Variants in CAMTA1 observed in about 807,000 individuals in gnomAD.
CAMTA1 encodes calmodulin binding transcription activator 1, also known as calmodulin-binding transcription activator 1.
Under a neutral mutation model 170.9 loss-of-function variants are expected in CAMTA1, and 27 were observed. The observed-to-expected ratio is 0.16, with a 90% CI of 0.12 to 0.22. CAMTA1 has a LOEUF of 0.22. Ranked by LOEUF, CAMTA1 falls within the 10% of genes least tolerant of loss-of-function variation. The probability of loss-of-function intolerance (pLI) is 1.00; values close to 1 mark genes in which losing one functional copy is unlikely to be tolerated. For synonymous variants in CAMTA1, 833 were observed against 891.5 expected, an observed-to-expected ratio of 0.93 and a Z score of 1.17; for missense variants, 1,619 against 2,217.2, an observed-to-expected ratio of 0.73 and a Z score of 5.42.
In CAMTA1 at chr1:6,798,188, A is replaced by G. The variant is rs1643000368; in HGVS notation, c.45+12613A>G. Among the ~76,000 whole-genome samples, 8 of 151,834 alleles carry G rather than the reference A, an allele frequency of 5.3e-5. No homozygotes were observed. In the South Asian group the frequency reaches 1.7e-3, roughly 32 times the overall value. ...TTTTTGTATTTTTAGTTGAGACACC[A>G]TGTTGGCCAGGCTGGTCTTGAACTC... On this transcript the variant is annotated intron_variant, in intron 1 of 22. Transcript: ENST00000303635.
In CAMTA1 at chr1:6,934,004, AG is replaced by A. The variant is rs1684876776; in HGVS notation, c.234+108795del. Among the ~76,000 whole-genome samples the A allele has an allele frequency of 6.6e-6, 1 of 152,178 alleles. No homozygotes were observed. Among genetic ancestry groups the A allele is most frequent in the Non-Finnish European group, 1.5e-5 (1 of 68,030 alleles). On this transcript the variant is annotated intron_variant, in intron 3 of 22. Transcript: ENST00000303635. The surrounding 1 kb of genome is among the most constrained non-coding windows in gnomAD (Gnocchi z 4.5). The stretch of plus-strand genomic sequence containing the variant: ...ATTTTAGAATTGGCTGTCAGTTTCC[AG>A]CACAAAGCCTGCTGGGATTTTGATT...
intron 1 of CAMTA1, among the ~76,000 whole-genome samples, chr1:6,816,216 G>A (rs752514348): frequency 2.6e-5 from 4 of 152,118 alleles, no homozygotes; most frequent in Non-Finnish European, 4.4e-5. Flanking sequence ...TGTACATTCA[G>A]AAACAATGAA....
intron 6 of CAMTA1, among the ~76,000 whole-genome samples, chr1:7,472,157 C>T (rs1457715257): frequency 6.6e-6 from 1 of 152,198 alleles, no homozygotes; most frequent in Non-Finnish European, 1.5e-5. Context: ...CCCACGCTGG[C>T]AGCACAGACC....
intron 3 of CAMTA1, chr1:6,874,561 G>A (rs1669299940): frequency 6.6e-6 from 1 of 152,224 alleles, no homozygotes; most frequent in South Asian, 2.1e-4. Context: ...CCATTCCCCA[G>A]TAGTCTTCTA....
chr1:7,689,697 C>G (rs1186710967), intron 11 of CAMTA1, among the ~76,000 whole-genome samples: 1 of 152,170 alleles, frequency 6.6e-6, no homozygotes, highest in East Asian at 1.9e-4. Flanking sequence ...TGGAAGGAAC[C>G]CAGGCCCCAG....
intron 5 of CAMTA1, among the ~76,000 whole-genome samples, chr1:7,269,930 C>T (rs957851106): frequency 7.2e-5 from 11 of 152,010 alleles, no homozygotes; most frequent in Non-Finnish European, 1.5e-4. Context: ...AAACCAGCAA[C>T]AAAGAGGAAA....
rs1401452074 is a variant in CAMTA1, at chr1:7,463,489, GGA to G, written c.439-4330_439-4329del. On this transcript the variant is annotated intron_variant, in intron 5 of 22. Coordinates refer to ENST00000303635, the MANE Select transcript of CAMTA1 (RefSeq NM_015215.4). This position sits in a 1 kb window ranked among gnomAD's most constrained non-coding sequence, Gnocchi z 4.7. ...GAGAGGACAAGACAGCTGCAGAGATGGAGAGAGAGAGAAAGAAAGAGACTGAG... is the reference window on the plus strand; with the variant it reads ...GAGAGGACAAGACAGCTGCAGAGATGGAGAGAGAGAAAGAAAGAGACTGAG... Among the ~76,000 whole-genome samples the G allele has an allele frequency of 1.3e-5, 2 of 151,538 alleles. No homozygotes were observed. The highest frequency in any genetic ancestry group is 1.9e-4 in the East Asian group (1 of 5,180).
At chr1:6,800,777 G>C (rs1181711188) in intron 1 of CAMTA1, among the ~76,000 whole-genome samples, 2 of 152,178 alleles carry the variant, frequency 1.3e-5, no homozygotes, top group Admixed American at 1.3e-4. Context: ...ATCTTCACTT[G>C]AACCTGCTCC....
intron 5 of CAMTA1, among the ~76,000 whole-genome samples, chr1:7,405,760 G>A (rs939155638): frequency 8.0e-5 from 12 of 150,280 alleles, no homozygotes; most frequent in African/African-American, 2.9e-4. Context: ...CACACCGGGT[G>A]GATGTGAGGC....
At chr1:7,631,038 A>G (rs1479918892) in intron 6 of CAMTA1, among the ~76,000 whole-genome samples, 1 of 152,180 alleles carries the variant, frequency 6.6e-6, no homozygotes, top group East Asian at 1.9e-4. Context: ...CCGGGTGCTC[A>G]GCTCCAGGGT....
intron 4 of CAMTA1, among the ~76,000 whole-genome samples, chr1:7,191,236 C>A (rs971065237): frequency 6.6e-6 from 1 of 152,178 alleles, no homozygotes; most frequent in Non-Finnish European, 1.5e-5. Context: ...GGGTAGGACA[C>A]CCCATAGCTT....
rs188978994 is a variant in CAMTA1 at position 6,987,366 on chromosome 1, T to C, written c.235-103938T>C. Among the ~76,000 whole-genome samples, 758 of 152,334 alleles carry C rather than the reference T, an allele frequency of 5.0e-3. 12 individuals carry two copies. Among genetic ancestry groups the C allele is most frequent in the African/African-American group, 0.017 (709 of 41,578 alleles). On this transcript the variant is annotated intron_variant, in intron 3 of 22. Transcript: ENST00000303635. ...TTTTAGTAGAGACGGAGTTTCACCA[T>C]GTTGGCCAGGCTGGTCTCGAACTCC... is the stretch of plus-strand genomic sequence containing the variant.
chr1:7,559,772 A>G (rs2094932697), intron 6 of CAMTA1, among the ~76,000 whole-genome samples: 1 of 151,810 alleles, frequency 6.6e-6, no homozygotes, highest in Admixed American at 6.6e-5. Flanking sequence ...GATGCAACTG[A>G]TTGCACCCCG....
chr1:6,996,376 C>T (rs1376431993), intron 3 of CAMTA1, among the ~76,000 whole-genome samples: 1 of 152,212 alleles, frequency 6.6e-6, no homozygotes, highest in Non-Finnish European at 1.5e-5. Flanking sequence ...AAACTATAAA[C>T]TCTGTCTTGT....
intron 3 of CAMTA1, among the ~76,000 whole-genome samples, chr1:6,911,102 A>G (rs1679592352): frequency 6.6e-6 from 1 of 152,236 alleles, no homozygotes; most frequent in South Asian, 2.1e-4. Flanking sequence ...ACTCCTGGCC[A>G]GCTTCCTTTG....
chr1:7,665,594 G>A lies in CAMTA1; in HGVS notation c.2652+395G>A, dbSNP rs1035994844. Among the ~76,000 whole-genome samples, 2 of 152,120 alleles carry A rather than the reference G, an allele frequency of 1.3e-5. No individual in the cohort carries two copies. Among genetic ancestry groups the A allele is most frequent in the African/African-American group, 4.8e-5 (2 of 41,406 alleles). The stretch of plus-strand genomic sequence containing the variant: ...GCCAGGTGTGGTGGGGCCTGCCTAT[G>A]GTCCCAGCTATTCTGGAGGCTGAGT... On this transcript the variant is annotated intron_variant, in intron 9 of 22. Coordinates refer to ENST00000303635, the MANE Select transcript of CAMTA1 (RefSeq NM_015215.4). This position sits in a 1 kb window ranked among gnomAD's most constrained non-coding sequence, Gnocchi z 4.3.
At chr1:7,566,538 C>A (rs2095044828) in intron 6 of CAMTA1, among the ~76,000 whole-genome samples, 2 of 152,080 alleles carry the variant, frequency 1.3e-5, no homozygotes, top group Admixed American at 6.6e-5. Context: ...TGTTGATGAG[C>A]AGAGAGAACC....
chr1:7,029,068 C>T (rs991443304), intron 3 of CAMTA1, among the ~76,000 whole-genome samples: 5 of 152,208 alleles, frequency 3.3e-5, no homozygotes, highest in Non-Finnish European at 5.9e-5. Context: ...TTTCCTTATC[C>T]GTAATATGTA....
intron 3 of CAMTA1, among the ~76,000 whole-genome samples, chr1:7,018,822 A>C (rs1359565405): frequency 1.3e-5 from 2 of 152,146 alleles, no homozygotes; most frequent in Non-Finnish European, 2.9e-5. Context: ...CAGCCATTAA[A>C]GCTTCTGGCC....
Sources: gnomAD v4.1 joint callset for allele counts (sites outside exome capture counted in the v4.1 genomes callset) on GRCh38, gnomAD v4.1.1 for gene constraint, Gnocchi (gnomAD v3.1) non-coding constraint, MANE v1.5 for transcripts, NCBI Gene and HGNC (gene_info 2026-07-23, HGNC 2026-07-21) for gene names.